The following FGGY variants were observed in gnomAD, a reference collection of about 807,000 sequenced individuals.
FGGY encodes FGGY carbohydrate kinase domain-containing protein.
Under a neutral mutation model 71.3 loss-of-function variants are expected in FGGY, and 72 were observed. The observed-to-expected ratio is 1.01, with a 90% CI of 0.84 to 1.23. FGGY has a LOEUF of 1.23. FGGY is among the 50% of genes most tolerant of loss of function. FGGY has a pLI of 0.00. For synonymous variants in FGGY, 251 were observed against 250.3 expected, an observed-to-expected ratio of 1.00 and a Z score of -0.02; for missense variants, 668 against 682.3, an observed-to-expected ratio of 0.98 and a Z score of 0.23.
At chr1:59,568,690 G>A (rs942441414) in intron 8 of FGGY, among the ~76,000 whole-genome samples, 4 of 152,178 alleles carry the variant, frequency 2.6e-5, no homozygotes, top group Admixed American at 2.0e-4. Flanking sequence ...CCTCCACCAC[G>A]TTTAATAGAT....
intron 8 of FGGY, among the ~76,000 whole-genome samples, chr1:59,571,817 T>C (rs2095990630): frequency 6.6e-6 from 1 of 152,166 alleles, no homozygotes; most frequent in Non-Finnish European, 1.5e-5. Flanking sequence ...CAAACAATTT[T>C]AAGTGGAAGA....
chr1:59,488,004 T>C (rs1324924017), intron 6 of FGGY, among the ~76,000 whole-genome samples: 1 of 152,198 alleles, frequency 6.6e-6, no homozygotes, highest in Non-Finnish European at 1.5e-5. Context: ...AAAACAATTT[T>C]AGTTCACTTT....
chr1:59,353,284 T>G (rs2053640885), intron 4 of FGGY, among the ~76,000 whole-genome samples: 1 of 152,172 alleles, frequency 6.6e-6, no homozygotes. Flanking sequence ...TATCATTGTG[T>G]TTAAAAGTGC....
At chr1:59,503,094 A>G (rs888514232) in intron 6 of FGGY, among the ~76,000 whole-genome samples, 2 of 152,184 alleles carry the variant, frequency 1.3e-5, no homozygotes, top group East Asian at 1.9e-4. Flanking sequence ...AATCCTGACC[A>G]TGTCCCATTA....
At chr1:59,543,381 G>C (rs2095474427) in intron 7 of FGGY, among the ~76,000 whole-genome samples, 1 of 148,866 alleles carries the variant, frequency 6.7e-6, no homozygotes. Flanking sequence ...TCAACATCCA[G>C]GTTCAGAATC....
chr1:59,357,609 T>A (rs1175423642), intron 4 of FGGY, among the ~76,000 whole-genome samples: 1 of 152,182 alleles, frequency 6.6e-6, no homozygotes, highest in Non-Finnish European at 1.5e-5. Flanking sequence ...TGTGTGTGTG[T>A]GTTATTCTGC....
intron 5 of FGGY, among the ~76,000 whole-genome samples, chr1:59,422,325 A>G (rs1434617643): frequency 3.3e-5 from 5 of 152,174 alleles, no homozygotes; most frequent in Non-Finnish European, 5.9e-5. Context: ...TTGAGGTTGT[A>G]TTTCCATATA....
chr1:59,637,230 G>C (rs1159358280), intron 10 of FGGY, among the ~76,000 whole-genome samples: 6 of 152,104 alleles, frequency 3.9e-5, no homozygotes, highest in African/African-American at 1.4e-4. Flanking sequence ...ACTGAGTAGT[G>C]CTCTCATGCC....
chr1:59,568,463 G>GT (rs397965334), intron 8 of FGGY, among the ~76,000 whole-genome samples: 1 of 119,972 alleles, frequency 8.3e-6, no homozygotes, highest in African/African-American at 3.7e-5. Context: ...GGTCGGGGGG[G>GT]CGGGGGGGGG....
At chr1:59,599,381 G>A (rs1339748822) in intron 8 of FGGY, among the ~76,000 whole-genome samples, 1 of 152,058 alleles carries the variant, frequency 6.6e-6, no homozygotes, top group African/African-American at 2.4e-5. Context: ...GCTGGGTTAT[G>A]CATGTTCTTA....
chr1:59,372,939 C>A (rs1416162405), intron 4 of FGGY, among the ~76,000 whole-genome samples: 39 of 152,012 alleles, frequency 2.6e-4, no homozygotes, highest in Admixed American at 6.6e-5. Context: ...TATGACAAAC[C>A]CACAGCTAAT....
intron 7 of FGGY, among the ~76,000 whole-genome samples, chr1:59,520,807 C>G (rs1278077445): frequency 6.6e-6 from 1 of 152,134 alleles, no homozygotes; most frequent in Non-Finnish European, 1.5e-5. Flanking sequence ...GAAAATGTCA[C>G]CTGGTACCCA....
intron 6 of FGGY, among the ~76,000 whole-genome samples, chr1:59,479,203 A>G (rs2093380328): frequency 6.6e-6 from 1 of 152,168 alleles, no homozygotes; most frequent in Non-Finnish European, 1.5e-5. Context: ...AGGTGTCAGG[A>G]CTCAGAGTCA....
rs560658917 is a variant in FGGY, at chr1:59,636,391, G to A, written c.1074-1837G>A. Among the ~76,000 whole-genome samples, 456 of 152,264 alleles carry A rather than the reference G, an allele frequency of 3.0e-3. 5 individuals carry two copies. Among genetic ancestry groups the A allele is most frequent in the African/African-American group, 0.01 (433 of 41,548 alleles). On this transcript the variant is annotated intron_variant, in intron 10 of 15. Coordinates refer to ENST00000303721, the MANE Select transcript of FGGY (RefSeq NM_018291.5). ...AATCCCAGCACTTTGGGAGGCCGAG[G>A]TGGGCAGATCACGAGGTCAGGAGAT...
At chr1:59,421,547 C>A (rs1223375828) in intron 5 of FGGY, among the ~76,000 whole-genome samples, 1 of 149,434 alleles carries the variant, frequency 6.7e-6, no homozygotes, top group Non-Finnish European at 1.5e-5. Context: ...CCCTTTTCTT[C>A]TTTTTTCCCT....
At chr1:59,568,305 T>A (rs2095911401) in intron 8 of FGGY, among the ~76,000 whole-genome samples, 1 of 152,174 alleles carries the variant, frequency 6.6e-6, no homozygotes, top group Non-Finnish European at 1.5e-5. Context: ...AAAGAGCCTG[T>A]GCTCTCTTAT....
chr1:59,405,577 A>G (rs2062607396), intron 5 of FGGY, among the ~76,000 whole-genome samples: 1 of 152,214 alleles, frequency 6.6e-6, no homozygotes. Flanking sequence ...TCTCACTAGT[A>G]AACATCGAAT....
At position 59,667,282 on chromosome 1, in the gene FGGY, G is replaced by GT; in HGVS notation, c.1298dup (p.Leu433PhefsTer92). On this transcript the variant is annotated frameshift_variant and splice_region_variant. Transcript: ENST00000303721. LOFTEE classifies it high-confidence loss of function. ...TGCTATCTTCTGCTTTTCCTTTCAA[G>GT]TTGGGGACTCGCTTCATTATAGAAG... The GT allele has an allele frequency of 6.2e-7, 1 of 1,614,056 alleles. No homozygotes were observed. Among genetic ancestry groups the GT allele is most frequent in the South Asian group, 1.1e-5 (1 of 91,076 alleles).
chr1:59,673,293 C>T (rs184629292), intron 13 of FGGY, among the ~76,000 whole-genome samples: 66 of 152,146 alleles, frequency 4.3e-4, no homozygotes, highest in Admixed American at 3.3e-3. Flanking sequence ...GTGATGTTTG[C>T]GGAAACACTT....
Sources: gnomAD v4.1 joint callset for allele counts (sites outside exome capture counted in the v4.1 genomes callset) on GRCh38, gnomAD v4.1.1 for gene constraint, MANE v1.5 for transcripts, NCBI Gene and HGNC (gene_info 2026-07-23, HGNC 2026-07-21) for gene names.